The following NOMO3 variants were observed in gnomAD, a reference collection of about 807,000 sequenced individuals.
NOMO3 encodes NODAL modulator 3, also known as BOS complex subunit NOMO3.
NOMO3 carries 15 observed loss-of-function variants against 69.9 expected under a neutral mutation model. That is an observed-to-expected ratio of 0.21 (90% CI 0.14 to 0.33). NOMO3 has a LOEUF of 0.33. NOMO3 is among the 10% of genes least tolerant of loss of function. The pLI is 1.00. For missense variants in NOMO3, 218 were observed against 761.0 expected, an observed-to-expected ratio of 0.29 and a Z score of 8.39; for synonymous variants, 89 against 301.9, an observed-to-expected ratio of 0.29 and a Z score of 7.31.
chr16:16,244,066 C>T (rs1435750597), intron 4 of NOMO3, among the ~76,000 whole-genome samples: 13 of 143,704 alleles, frequency 9.0e-5, no homozygotes, highest in Non-Finnish European at 1.9e-4. Flanking sequence ...GCCCAGCTCC[C>T]GTGATTCAGA....
At chr16:16,265,636 T>TTATA in intron 15 of NOMO3, among the ~76,000 whole-genome samples, 3 of 85,592 alleles carry the variant, frequency 3.5e-5, no homozygotes, top group Admixed American at 1.2e-4. Flanking sequence ...TGAGTTTCTC[T>TTATA]GATATATATA....
intron 15 of NOMO3, chr16:16,266,653 T>G (rs533298500): frequency 0.033 from 13,280 of 404,680 alleles, 1,139 homozygotes; most frequent in African/African-American, 0.083. Context: ...TAAAGACCCC[T>G]CGGTGGGGAT....
chr16:16,232,658 G>A lies in NOMO3; in HGVS notation c.-9G>A. 1.5e-6 allele frequency: 1 copy of A among 683,118 alleles called. No individual in the cohort carries two copies. Among genetic ancestry groups the A allele is most frequent in the African/African-American group, 2.0e-5 (1 of 49,604 alleles). 42.3% of individuals were successfully genotyped at this position (683,118 alleles called of 1,614,324 possible). ...GCCGGCGGTGGGTCTAGCTGGGGGAGGTCGGGCCATGCTGGTGGGCCAGGG... is the reference window on the plus strand; with the variant it reads ...GCCGGCGGTGGGTCTAGCTGGGGGAAGTCGGGCCATGCTGGTGGGCCAGGG... On this transcript the variant is annotated 5_prime_UTR_variant, in exon 1 of 31. Transcript: ENST00000399336.
At chr16:16,259,216 TTAAAG>T (rs1172780338) in intron 11 of NOMO3, among the ~76,000 whole-genome samples, 1 of 144,854 alleles carries the variant, frequency 6.9e-6, no homozygotes, top group Non-Finnish European at 1.5e-5. Flanking sequence ...ATTTTCTCCT[TTAAAG>T]TAGAGTATTT....
At chr16:16,269,093 G>A (rs2049642140) in intron 16 of NOMO3, among the ~76,000 whole-genome samples, 1 of 143,140 alleles carries the variant, frequency 7.0e-6, no homozygotes, top group African/African-American at 2.9e-5. Flanking sequence ...GTTCTCTGTG[G>A]ACATCTCCTC....
rs1392427159 is a variant in NOMO3 at position 16,267,397 on chromosome 16, A to G, written c.1894+266A>G. The G allele has an allele frequency of 8.6e-6, 4 of 466,438 alleles. No individual in the cohort carries two copies. In the South Asian group the frequency reaches 1.1e-4, roughly 12 times the overall value. The allele number at this position is 466,438 out of a possible 1,614,324, so 28.9% of individuals were successfully genotyped here. ...ATTTGAATCATTTCCCACTTTGCTT[A>G]AAATCTTTCAGTGGCTTCTCGCTCT... On this transcript the variant is annotated intron_variant, in intron 16 of 30. Coordinates refer to ENST00000399336, the MANE Select transcript of NOMO3 (RefSeq NM_001004067.4).
chr16:16,235,575 G>A (rs1284428872), intron 1 of NOMO3, among the ~76,000 whole-genome samples: 2 of 145,768 alleles, frequency 1.4e-5, no homozygotes, highest in Non-Finnish European at 3.0e-5. Flanking sequence ...GGAGTATAGT[G>A]GCACCATCAT....
chr16:16,241,302 A>G (rs1204852657), intron 3 of NOMO3, among the ~76,000 whole-genome samples: 3 of 142,810 alleles, frequency 2.1e-5, no homozygotes, highest in Non-Finnish European at 4.5e-5. Context: ...CTTTCACTCA[A>G]CATTATGAAC....
rs2049580147 is a variant in NOMO3 at position 16,263,252 on chromosome 16, A to G, written c.1537+37A>G. On this transcript the variant is annotated intron_variant, in intron 13 of 30. Transcript: ENST00000399336. Reference sequence around the variant, plus strand: ...CTGGAAAGTAAGAACACATAGTTTCAAAGAAGTCAGCCGGTAGGAGTGGGA... The same window carrying G: ...CTGGAAAGTAAGAACACATAGTTTCGAAGAAGTCAGCCGGTAGGAGTGGGA... The G allele has an allele frequency of 1.1e-5, 17 of 1,595,632 alleles. 1 individual carries two copies. The highest frequency in any genetic ancestry group is 1.4e-5 in the Non-Finnish European group (17 of 1,177,970).
Position 16,237,192 on chromosome 16 carries a change from A to G in NOMO3, c.255+202A>G, listed in dbSNP as rs1389177502. Among the ~76,000 whole-genome samples, 40 of 144,724 alleles carry G rather than the reference A, an allele frequency of 2.8e-4. 5 individuals are homozygous for G. The highest frequency in any genetic ancestry group is 1.1e-3 in the East Asian group (5 of 4,506). 94.9% of individuals were successfully genotyped at this position (144,724 alleles called of 152,430 possible). The stretch of plus-strand genomic sequence containing the variant: ...TACAGTGGCTCTCTCTGTGTTTAGG[A>G]CCATTTGGCAATGTCTAGAGACGTT... On this transcript the variant is annotated intron_variant, in intron 2 of 30. Transcript: ENST00000399336.
chr16:16,255,822 A>C lies in NOMO3; in HGVS notation c.1066A>C (p.Lys356Gln). Residue 356 changes from lysine (K) to glutamine (Q), a missense_variant, in exon 10 of 31, where the codon AAA becomes CAA. Lys to Gln is a moderately conservative substitution (Grantham distance 53, BLOSUM62 1). Coordinates refer to ENST00000399336, the MANE Select transcript of NOMO3 (RefSeq NM_001004067.4). ...AGTAGTCACCCTGAATAACCAAATCAAAGGTGGGCTGACACAGCAGCCCCA... is the reference window on the plus strand; with the variant it reads ...AGTAGTCACCCTGAATAACCAAATCCAAGGTGGGCTGACACAGCAGCCCCA... ...EAVVTLNNQI[K>Q]VKTKADGSFR... 6.4e-7 allele frequency: 1 copy of C among 1,552,528 alleles called. No homozygotes were observed. The highest frequency in any genetic ancestry group is 1.9e-5 in the African/African-American group (1 of 52,614).
Position 16,265,606 on chromosome 16 carries a change from C to T in NOMO3, c.1806+427C>T, listed in dbSNP as rs1885290224. Among the ~76,000 whole-genome samples the T allele has an allele frequency of 1.7e-5, 2 of 119,860 alleles. 1 individual carries two copies. The highest frequency in any genetic ancestry group is 1.7e-4 in the Admixed American group (2 of 11,694). 78.6% of individuals were successfully genotyped at this position (119,860 alleles called of 152,430 possible). ...TAGGTATCAAAGTGTCCTTGGTGTA[C>T]ACCGCTCTGTACTGCCAAGTGAGTT... On this transcript the variant is annotated intron_variant, in intron 15 of 30. Transcript: ENST00000399336.
At chr16:16,263,851 G>A (rs1402250940) in intron 14 of NOMO3, among the ~76,000 whole-genome samples, 1 of 36,028 alleles carries the variant, frequency 2.8e-5, no homozygotes, top group Non-Finnish European at 5.4e-5. Flanking sequence ...TGTCTGCACA[G>A]CCCACTGGCG....
At chr16:16,236,354 C>T (rs2049326878) in intron 1 of NOMO3, among the ~76,000 whole-genome samples, 1 of 142,196 alleles carries the variant, frequency 7.0e-6, no homozygotes, top group Admixed American at 6.8e-5. Flanking sequence ...AAACAATTTT[C>T]CTGCCTCAGC....
At chr16:16,263,395 G>A (rs1281717220) in intron 13 of NOMO3, 118 bp from the exon 14 acceptor site, 16 of 1,542,274 alleles carry the variant, frequency 1.0e-5, no homozygotes, top group Non-Finnish European at 1.2e-5. Flanking sequence ...GTCTGCCTCC[G>A]GCCACTGCCT....
At chr16:16,262,810 G>A (rs1469109810) in intron 12 of NOMO3, among the ~76,000 whole-genome samples, 2 of 141,224 alleles carry the variant, frequency 1.4e-5, no homozygotes, top group Admixed American at 6.8e-5. Flanking sequence ...TGTCCGCGTT[G>A]CGGGCCTGTG....
At chr16:16,266,977 ATAT>A (rs1280034814) in intron 15 of NOMO3, 64 bp from the exon 16 acceptor site, 1 of 598,950 alleles carries the variant, frequency 1.7e-6, no homozygotes, top group Non-Finnish European at 2.9e-6. Flanking sequence ...GGAAAGAGAA[ATAT>A]TATTAATCAT....
At position 16,264,162 on chromosome 16, in the gene NOMO3, TAAG is replaced by T. The variant is rs1299938951; in HGVS notation, c.1669+522_1669+524del. Reference sequence around the variant, plus strand: ...TTACTTCCCTTTTCCTTGCCCTTCTTAAGAAGCCACTTCTTGCCTGTATTTCTG... The same window carrying T: ...TTACTTCCCTTTTCCTTGCCCTTCTTAAGCCACTTCTTGCCTGTATTTCTG... On this transcript the variant is annotated intron_variant, in intron 14 of 30. Coordinates refer to ENST00000399336, the MANE Select transcript of NOMO3 (RefSeq NM_001004067.4). 1.0e-3 allele frequency among the ~76,000 whole-genome samples: 57 copies of T among 54,506 alleles called. 5 individuals carry two copies. Among genetic ancestry groups the T allele is most frequent in the Non-Finnish European group, 1.8e-3 (46 of 25,332 alleles). The allele number at this position is 54,506 out of a possible 152,430, so 35.8% of individuals were successfully genotyped here. A position where few individuals can be genotyped will look rare whatever the true frequency, so the allele number is the denominator to read the frequency against.
intron 11 of NOMO3, among the ~76,000 whole-genome samples, chr16:16,260,234 G>C (rs1349283325): frequency 8.1e-6 from 1 of 123,886 alleles, no homozygotes; most frequent in Non-Finnish European, 1.6e-5. Context: ...ATAGACATTT[G>C]TAAATGAATG....
Sources: allele counts gnomAD v4.1 joint callset (sites outside exome capture counted in the v4.1 genomes callset), GRCh38; gene constraint gnomAD v4.1.1; transcripts MANE v1.5; gene names NCBI Gene and HGNC (gene_info 2026-07-23, HGNC 2026-07-21).